RBMS3: variants seen among roughly 807,000 people sequenced by gnomAD.
RBMS3 encodes RNA binding motif single stranded interacting protein 3, also known as RNA-binding motif, single-stranded-interacting protein 3.
In RBMS3, 27 loss-of-function variants were observed where a neutral mutation model predicts 66.8. The observed-to-expected ratio is 0.40, with a 90% CI of 0.30 to 0.56. RBMS3 has a LOEUF of 0.56. RBMS3 is among the 20% of genes least tolerant of loss of function. RBMS3 has a pLI of 0.40. For missense variants in RBMS3, 513 were observed against 549.5 expected (o/e 0.93, Z 0.66); for synonymous variants, 188 against 183.0 (o/e 1.03, Z -0.22).
Position 29,762,993 on chromosome 3 carries a change from A to G in RBMS3, c.637+4A>G, listed in dbSNP as rs1374009186. ...AAAACACCACCAGGCATCCCAGGTA[A>G]GAAATTCACTAATAAGTGACTGAAT... is the stretch of plus-strand genomic sequence containing the variant. On this transcript the variant is annotated splice_donor_region_variant and intron_variant, in intron 6 of 14. Coordinates refer to ENST00000383767, the MANE Select transcript of RBMS3 (RefSeq NM_001003793.3). 1 of 1,584,832 alleles carries G rather than the reference A, an allele frequency of 6.3e-7. No homozygotes were observed. The highest frequency in any genetic ancestry group is 2.2e-5 in the East Asian group (1 of 44,674).
intron 4 of RBMS3, among the ~76,000 whole-genome samples, chr3:29,703,389 T>G (rs1389456394): frequency 6.6e-6 from 1 of 152,202 alleles, no homozygotes; most frequent in Non-Finnish European, 1.5e-5. Flanking sequence ...AAGAAAACAT[T>G]GTCTATAGGA....
chr3:29,312,192 GTGT>G (rs1189693467), intron 1 of RBMS3, among the ~76,000 whole-genome samples: 1 of 151,758 alleles, frequency 6.6e-6, no homozygotes, highest in Non-Finnish European at 1.5e-5. Context: ...AACACGTCTA[GTGT>G]TAATCTAATA....
intron 3 of RBMS3, among the ~76,000 whole-genome samples, chr3:29,509,197 G>C (rs1202064765): frequency 6.6e-6 from 1 of 151,626 alleles, no homozygotes; most frequent in Admixed American, 6.6e-5. Context: ...TATACAATGA[G>C]CAACCTATGT....
At chr3:29,341,004 T>A (rs2036250261) in intron 1 of RBMS3, among the ~76,000 whole-genome samples, 1 of 152,114 alleles carries the variant, frequency 6.6e-6, no homozygotes, top group Non-Finnish European at 1.5e-5. Flanking sequence ...ATGTGAAATA[T>A]CATTATCATA....
At chr3:29,645,395 G>C (rs531432139) in intron 4 of RBMS3, among the ~76,000 whole-genome samples, 3 of 152,196 alleles carry the variant, frequency 2.0e-5, no homozygotes, top group Admixed American at 6.5e-5. Flanking sequence ...AGGGTGTCTG[G>C]TGCTGTCCAA....
Position 29,473,490 on chromosome 3 carries a change from C to T in RBMS3, c.249-14951C>T, listed in dbSNP as rs6549945. On this transcript the variant is annotated intron_variant, in intron 2 of 14. Transcript: ENST00000383767. Reference sequence around the variant, plus strand: ...CGCAGGTGGAGCTGCCTGCCAGTCCCGCGCCGTGCGCCTGCACTCCTCAGC... The same window carrying T: ...CGCAGGTGGAGCTGCCTGCCAGTCCTGCGCCGTGCGCCTGCACTCCTCAGC... Among the ~76,000 whole-genome samples the T allele has an allele frequency of 1.3e-3, 202 of 152,158 alleles. 1 individual carries two copies. Among genetic ancestry groups the T allele is most frequent in the African/African-American group, 4.6e-3 (190 of 41,538 alleles).
chr3:29,575,456 A>G (rs2047088155), intron 3 of RBMS3, among the ~76,000 whole-genome samples: 1 of 151,494 alleles, frequency 6.6e-6, no homozygotes, highest in African/African-American at 2.4e-5. Context: ...TGGAGGTTTG[A>G]TTATTAGATG....
At chr3:29,417,843 A>T (rs1047240386) in intron 1 of RBMS3, among the ~76,000 whole-genome samples, 4 of 152,170 alleles carry the variant, frequency 2.6e-5, no homozygotes, top group African/African-American at 9.6e-5. Context: ...TGTATAATCT[A>T]CTGACAAGGA....
At chr3:29,701,583 G>A (rs2052579221) in intron 4 of RBMS3, among the ~76,000 whole-genome samples, 1 of 152,088 alleles carries the variant, frequency 6.6e-6, no homozygotes, top group Admixed American at 6.5e-5. Flanking sequence ...GGAGGGAGAG[G>A]CGCAGGTGGG....
intron 5 of RBMS3, among the ~76,000 whole-genome samples, chr3:29,762,180 GA>G (rs777252110): frequency 6.6e-6 from 1 of 152,112 alleles, no homozygotes; most frequent in Non-Finnish European, 1.5e-5. Context: ...AAGATAGTAT[GA>G]AAAAATAGGA....
intron 12 of RBMS3, among the ~76,000 whole-genome samples, chr3:29,971,773 A>G (rs182354270): frequency 6.6e-6 from 1 of 152,284 alleles, no homozygotes; most frequent in African/African-American, 2.4e-5. Flanking sequence ...GTTAGATGTC[A>G]TAAGAGGTAG....
At chr3:29,894,496 G>A (rs59871922) in intron 8 of RBMS3, among the ~76,000 whole-genome samples, 7,033 of 151,432 alleles carry the variant, frequency 0.046, 565 homozygotes, top group African/African-American at 0.16. Context: ...GTGTGTGCGT[G>A]TGAGAGAGCC....
intron 2 of RBMS3, among the ~76,000 whole-genome samples, chr3:29,454,851 A>T (rs1015106121): frequency 1.3e-5 from 2 of 152,344 alleles, no homozygotes; most frequent in Non-Finnish European, 2.9e-5. Context: ...AGAGTCACAT[A>T]CATAGTTTCA....
rs10570309 is a variant in RBMS3 at position 29,684,779 on chromosome 3, TACACACACAC to T, written c.400-54913_400-54904del. On this transcript the variant is annotated intron_variant, in intron 4 of 14. Transcript: ENST00000383767. Reference sequence around the variant, plus strand: ...CAGGTAAAATGTAAGGTTTGTTATGTACACACACACACACACACACACACACACACACACA... The same window carrying T: ...CAGGTAAAATGTAAGGTTTGTTATGTACACACACACACACACACACACACA... 2.5e-3 allele frequency among the ~76,000 whole-genome samples: 362 copies of T among 145,754 alleles called. 3 individuals carry two copies. Among genetic ancestry groups the T allele is most frequent in the East Asian group, 3.0e-3 (15 of 4,946 alleles).
chr3:29,887,822 T>C (rs959220160), intron 8 of RBMS3, among the ~76,000 whole-genome samples: 1 of 151,772 alleles, frequency 6.6e-6, no homozygotes, highest in Admixed American at 6.6e-5. Flanking sequence ...TAATCAGTCA[T>C]TCTCTAATGC....
At chr3:29,778,570 C>T (rs1031096989) in intron 6 of RBMS3, among the ~76,000 whole-genome samples, 2 of 151,616 alleles carry the variant, frequency 1.3e-5, no homozygotes, top group African/African-American at 2.4e-5. Flanking sequence ...GAGGAGGCTG[C>T]ATTTTATATT....
intron 11 of RBMS3, among the ~76,000 whole-genome samples, chr3:29,943,884 CTT>C (rs1695123158): frequency 6.6e-6 from 1 of 151,678 alleles, no homozygotes; most frequent in East Asian, 1.9e-4. Context: ...TTGTAGAACT[CTT>C]TTGTCAGCCA....
At chr3:29,675,248 T>C (rs1283821750) in intron 4 of RBMS3, among the ~76,000 whole-genome samples, 1 of 152,178 alleles carries the variant, frequency 6.6e-6, no homozygotes, top group Non-Finnish European at 1.5e-5. Flanking sequence ...ACTGGATCCC[T>C]TCCTTACACC....
chr3:29,974,175 A>G (rs1370877998), intron 12 of RBMS3, among the ~76,000 whole-genome samples: 5 of 151,882 alleles, frequency 3.3e-5, no homozygotes, highest in African/African-American at 7.2e-5. Context: ...TAGAAATCTT[A>G]TTACATAACC....
Sources: gnomAD v4.1 joint callset for allele counts (sites outside exome capture counted in the v4.1 genomes callset) on GRCh38, gnomAD v4.1.1 for gene constraint, MANE v1.5 for transcripts, NCBI Gene and HGNC (gene_info 2026-07-23, HGNC 2026-07-21) for gene names.